The following HTT variants were observed in gnomAD, a reference collection of about 807,000 sequenced individuals.
HTT encodes the protein huntington disease protein.
Under a neutral mutation model 362.3 loss-of-function variants are expected in HTT, and 104 were observed. The ratio of observed to expected loss-of-function variants is 0.29; its 90% confidence interval spans 0.24 to 0.34. The LOEUF (loss-of-function observed/expected upper bound fraction) is 0.34, where lower values mean the gene tolerates loss of function less well. Among genes scored for constraint, HTT ranks in the 10% least tolerant of loss-of-function variants. HTT has a pLI of 1.00. For missense variants in HTT, 3,301 were observed against 3,928.6 expected, an observed-to-expected ratio of 0.84 and a Z score of 4.27; for synonymous variants, 1,577 against 1,548.7, an observed-to-expected ratio of 1.02 and a Z score of -0.43.
In HTT at chr4:3,130,106, A is replaced by C. The variant is rs542392006; in HGVS notation, c.1867+59A>C. On this transcript the variant is annotated intron_variant, in intron 13 of 66. Transcript: ENST00000355072. ...GTTTGTATTCAGACCTGGACATCTT[A>C]ATTATATCTTTGCTTCCAAGAAGAA... The C allele has an allele frequency of 2.0e-6, 3 of 1,490,086 alleles. No individual in the cohort carries two copies. The South Asian group carries it at 4.0e-5, about 20-fold the overall frequency. The allele number at this position is 1,490,086 out of a possible 1,614,324, so 92.3% of individuals were successfully genotyped here.
intron 37 of HTT, among the ~76,000 whole-genome samples, chr4:3,182,915 C>T (rs895877442): frequency 6.6e-6 from 1 of 152,162 alleles, no homozygotes; most frequent in African/African-American, 2.4e-5. Flanking sequence ...CAGGGTCTCA[C>T]TCTGTCACCC....
intron 23 of HTT, 44 bp from the exon 24 acceptor site, chr4:3,145,108 C>G (rs768344108): frequency 2.3e-5 from 31 of 1,371,544 alleles, no homozygotes; most frequent in Middle Eastern, 1.8e-4. Context: ...TTCAATAAAC[C>G]TTTGTGGTGT....
intron 66 of HTT, 125 bp from the exon 67 acceptor site, chr4:3,239,721 C>G (rs557516976): frequency 1.4e-6 from 1 of 731,996 alleles, no homozygotes; most frequent in South Asian, 1.8e-5. Context: ...CCTTCCGGGG[C>G]TCTGCTCGCT....
rs372193344 is a variant in HTT, at chr4:3,206,646, A to G, written c.5869A>G (p.Ile1957Val). 7 of 1,614,088 alleles carry G rather than the reference A, an allele frequency of 4.3e-6. No individual in the cohort carries two copies. The highest frequency in any genetic ancestry group is 1.3e-5 in the African/African-American group (1 of 74,940). The change falls in exon 43 of 67, where the codon ATT becomes GTT. Residue 1957 changes from isoleucine (I) to valine (V), a missense_variant. By Grantham distance (29) the Ile-to-Val change is conservative. Coordinates refer to ENST00000355072, the MANE Select transcript of HTT (RefSeq NM_001388492.1). This position sits in a 1 kb window ranked among gnomAD's most constrained non-coding sequence, Gnocchi z 4.6. Reference protein sequence around the residue: ...SAASGLFIQAIQSRCENLSTP... With the variant: ...SAASGLFIQAVQSRCENLSTP... ...TGCCAGCGGCCTGTTCATCCAGGCA[A>G]TTCAGTCTCGTTGTGAAAACCTTTC...
intron 6 of HTT, chr4:3,113,104 T>G: frequency 1.4e-6 from 1 of 694,616 alleles, no homozygotes; most frequent in Non-Finnish European, 1.8e-6. Flanking sequence ...AAATACAGTA[T>G]GCCTCCTCTG....
chr4:3,155,677 C>T (rs1203866598), intron 27 of HTT, among the ~76,000 whole-genome samples: 2 of 133,228 alleles, frequency 1.5e-5, no homozygotes, highest in African/African-American at 2.8e-5. Context: ...GTCGGGAGTT[C>T]AAGACCAAAC....
intron 4 of HTT, among the ~76,000 whole-genome samples, chr4:3,104,449 A>G (rs1174463041): frequency 6.6e-6 from 1 of 151,804 alleles, no homozygotes; most frequent in African/African-American, 2.4e-5. Flanking sequence ...TCTCTACTAA[A>G]AATACAAAAA....
At chr4:3,098,188 G>A (rs1451041578) in intron 2 of HTT, among the ~76,000 whole-genome samples, 4 of 152,182 alleles carry the variant, frequency 2.6e-5, no homozygotes, top group African/African-American at 4.8e-5. Context: ...TCCTCAGTTC[G>A]TTATTCATGG....
chr4:3,125,461 T>C, intron 10 of HTT, 88 bp from the exon 11 acceptor site: 2 of 778,454 alleles, frequency 2.6e-6, no homozygotes, highest in Non-Finnish European at 2.2e-6. Flanking sequence ...TAAATATTCT[T>C]ATGAGTTTCA....
At chr4:3,168,169 G>A (rs901212088) in intron 29 of HTT, among the ~76,000 whole-genome samples, 6 of 152,216 alleles carry the variant, frequency 3.9e-5, no homozygotes, top group Admixed American at 3.3e-4. Flanking sequence ...CAGCAGTTCT[G>A]AGGCAGCTGG....
rs776146921 is a variant in HTT at position 3,125,571 on chromosome 4, A to G, written c.1344A>G (p.Glu448=). 2 of 1,613,800 alleles carry G rather than the reference A, an allele frequency of 1.2e-6. No homozygotes were observed. The highest frequency in any genetic ancestry group is 1.7e-6 in the Non-Finnish European group (2 of 1,179,656). Residue 448 remains glutamate (E), a synonymous_variant, in exon 11 of 67, where the codon GAA becomes GAG. Transcript: ENST00000355072. ...TAGGCAAAGTGCTCTTAGGAGAAGA[A>G]GAAGCCTTGGAGGATGACTCTGAAT... ...KQKGKVLLGE[E]EALEDDSESR...
chr4:3,094,964 C>T (rs1713763816), intron 2 of HTT, among the ~76,000 whole-genome samples: 1 of 149,758 alleles, frequency 6.7e-6, no homozygotes, highest in South Asian at 2.1e-4. Flanking sequence ...ACTTCCCAGA[C>T]GATGGGCGGC....
intron 2 of HTT, among the ~76,000 whole-genome samples, chr4:3,095,514 T>TGCGAGG (rs763759970): frequency 8.6e-4 from 131 of 152,076 alleles, no homozygotes; most frequent in Non-Finnish European, 1.6e-3. Flanking sequence ...AGGGAGACTG[T>TGCGAGG]GCGAGGGCGA....
intron 40 of HTT, among the ~76,000 whole-genome samples, chr4:3,197,943 G>A (rs900728069): frequency 6.6e-6 from 1 of 152,176 alleles, no homozygotes; most frequent in African/African-American, 2.4e-5. Context: ...AGGAACAGAG[G>A]GCCCCACAGA....
chr4:3,074,930 G>GCAGCAGCAGCAGCAGCAA lies in HTT; in HGVS notation c.110_111insGCAGCAGCAGCAACAGCA (p.Gln33_Gln38dup), dbSNP rs774733492. 1.6e-4 allele frequency: 212 copies of GCAGCAGCAGCAGCAGCAA among 1,302,556 alleles called. 1 individual carries two copies. Among genetic ancestry groups the GCAGCAGCAGCAGCAGCAA allele is most frequent in the Middle Eastern group, 5.6e-4 (2 of 3,570 alleles). The allele number at this position is 1,302,556 out of a possible 1,614,324, so 80.7% of individuals were successfully genotyped here. The stretch of plus-strand genomic sequence containing the variant: ...AGCAGCAGCAGCAGCAGCAGCAGCA[G>GCAGCAGCAGCAGCAGCAA]CAGCAACAGCCGCCACCGCCGCCGC... On this transcript the variant is annotated inframe_insertion, in exon 1 of 67. Transcript: ENST00000355072.
chr4:3,225,761 G>A lies in HTT; in HGVS notation c.7848+18G>A, dbSNP rs759553104. 2.8e-5 allele frequency: 44 copies of A among 1,597,788 alleles called. No homozygotes were observed. The highest frequency in any genetic ancestry group is 3.4e-5 in the Admixed American group (2 of 58,960). ...TCGGCCAGGTCAGTCTCGCGCCCCCGCCGCCTGGCCTCTGTCCGTTTCTGT... is the reference window on the plus strand; with the variant it reads ...TCGGCCAGGTCAGTCTCGCGCCCCCACCGCCTGGCCTCTGTCCGTTTCTGT... On this transcript the variant is annotated intron_variant, in intron 57 of 66. Transcript: ENST00000355072.
At chr4:3,088,780 C>T (rs76442945) in intron 2 of HTT, among the ~76,000 whole-genome samples, 7,206 of 151,858 alleles carry the variant, frequency 0.047, 248 homozygotes, top group African/African-American at 0.098. Context: ...TGCCTCTGTG[C>T]ATTTGTATTA....
chr4:3,081,503 C>T (rs1712895068), intron 1 of HTT, among the ~76,000 whole-genome samples: 1 of 151,726 alleles, frequency 6.6e-6, no homozygotes, highest in African/African-American at 2.4e-5. Context: ...TTATAGTTTT[C>T]CCACTCCTAG....
At position 3,206,208 on chromosome 4, in the gene HTT, C is replaced by T. The variant is rs1196570209; in HGVS notation, c.5719-288C>T. ...CTGAGGCCTGCCTTTGTCCTTTGAC[C>T]CTTGGCCATTTGTTAGTGTCTCTGA... On this transcript the variant is annotated intron_variant, in intron 42 of 66. Coordinates refer to ENST00000355072, the MANE Select transcript of HTT (RefSeq NM_001388492.1). The surrounding 1 kb of genome is among the most constrained non-coding windows in gnomAD (Gnocchi z 4.6). 6.6e-6 allele frequency among the ~76,000 whole-genome samples: 1 copy of T among 152,212 alleles called. No homozygotes were observed. Among genetic ancestry groups the T allele is most frequent in the African/African-American group, 2.4e-5 (1 of 41,452 alleles).
Sources: allele counts gnomAD v4.1 joint callset (sites outside exome capture counted in the v4.1 genomes callset), GRCh38; gene constraint gnomAD v4.1.1; non-coding constraint Gnocchi (gnomAD v3.1); transcripts MANE v1.5; gene names NCBI Gene and HGNC (gene_info 2026-07-23, HGNC 2026-07-21).